SLC22A14: variants seen among roughly 807,000 people sequenced by gnomAD.
SLC22A14 encodes the protein organic cation transporter-like 4.
SLC22A14 carries 50 observed loss-of-function variants against 53.9 expected under a neutral mutation model. The observed-to-expected ratio is 0.93, with a 90% CI of 0.74 to 1.17. SLC22A14 has a LOEUF of 1.17. Among genes scored for constraint, SLC22A14 ranks in the 50% most tolerant of loss-of-function variants. The probability of loss-of-function intolerance (pLI) is 0.00; values close to 1 mark genes in which losing one functional copy is unlikely to be tolerated. For synonymous variants in SLC22A14, 312 were observed against 303.0 expected (o/e 1.03, Z -0.31); for missense variants, 671 against 734.7 (o/e 0.91, Z 1.00).
intron 1 of SLC22A14, chr3:38,305,807 T>C: frequency 1.8e-6 from 1 of 552,178 alleles, no homozygotes. Flanking sequence ...TCTAAAACAT[T>C]AAAAATCTCA....
chr3:38,294,377 G>A (rs1198364867), intron 1 of SLC22A14, among the ~76,000 whole-genome samples: 1 of 152,136 alleles, frequency 6.6e-6, no homozygotes, highest in Non-Finnish European at 1.5e-5. Context: ...CTGTAAGATG[G>A]TGTTATAATT....
intron 1 of SLC22A14, among the ~76,000 whole-genome samples, chr3:38,296,486 C>G (rs1704040592): frequency 6.6e-6 from 1 of 152,216 alleles, no homozygotes; most frequent in South Asian, 2.1e-4. Flanking sequence ...GACAGAATAG[C>G]AAGCAAAAGT....
chr3:38,302,124 C>T (rs1704173794), intron 1 of SLC22A14, among the ~76,000 whole-genome samples: 1 of 150,488 alleles, frequency 6.6e-6, no homozygotes, highest in Non-Finnish European at 1.5e-5. Flanking sequence ...ATCCCAGCTA[C>T]TCAGGAGGCT....
upstream of SLC22A14, among the ~76,000 whole-genome samples, chr3:38,280,443 A>G (rs1356692317): frequency 6.6e-6 from 1 of 152,248 alleles, no homozygotes; most frequent in Non-Finnish European, 1.5e-5. Context: ...AAGGGAAACA[A>G]AAATGACCTC....
At position 38,306,254 on chromosome 3, in the gene SLC22A14, C is replaced by T. The variant is rs1402237031; in HGVS notation, c.228C>T (p.Pro76=). ...GGCTAGTAGCCCTCACCTTTATCCCCAGCATCATGTCGGCCTTCTTCATGT... is the reference window on the plus strand; with the variant it reads ...GGCTAGTAGCCCTCACCTTTATCCCTAGCATCATGTCGGCCTTCTTCATGT... ...QQRLVALTFI[P]SIMSAFFMFA... The change falls in exon 2 of 11, where the codon CCC becomes CCT. Residue 76 remains proline, a synonymous_variant. Coordinates refer to ENST00000448498, the MANE Select transcript of SLC22A14 (RefSeq NM_001320033.2). The T allele has an allele frequency of 1.9e-6, 3 of 1,614,062 alleles. No individual in the cohort carries two copies. The highest frequency in any genetic ancestry group is 2.7e-5 in the African/African-American group (2 of 74,922).
intron 9 of SLC22A14, 94 bp from the exon 10 acceptor site, chr3:38,316,230 A>T: frequency 1.9e-6 from 2 of 1,050,562 alleles, no homozygotes; most frequent in Non-Finnish European, 2.9e-6. Context: ...GACAGGGTGG[A>T]GACTGGAGAG....
intron 9 of SLC22A14, 148 bp from the exon 10 acceptor site, chr3:38,316,176 C>A: frequency 1.4e-6 from 1 of 695,560 alleles, no homozygotes. Flanking sequence ...TGAAGGAGGC[C>A]CAGAAGAAAT....
At chr3:38,316,988 C>T (rs1704640744) in intron 10 of SLC22A14, among the ~76,000 whole-genome samples, 1 of 152,234 alleles carries the variant, frequency 6.6e-6, no homozygotes, top group African/African-American at 2.4e-5. Flanking sequence ...CCCAGCAGCC[C>T]AGGACCCCAT....
At chr3:38,316,243 TG>T in intron 9 of SLC22A14, 80 bp from the exon 10 acceptor site, 1 of 1,221,540 alleles carries the variant, frequency 8.2e-7, no homozygotes, top group Non-Finnish European at 1.2e-6. Flanking sequence ...CTGGAGAGTG[TG>T]GGTTTTCATG....
At position 38,307,496 on chromosome 3, in the gene SLC22A14, C is replaced by A. The variant is rs1340410838; in HGVS notation, c.621-70C>A. 3 of 1,597,020 alleles carry A rather than the reference C, an allele frequency of 1.9e-6. No individual in the cohort carries two copies. Among genetic ancestry groups the A allele is most frequent in the Non-Finnish European group, 2.6e-6 (3 of 1,168,706 alleles). On this transcript the variant is annotated intron_variant, in intron 3 of 10. Coordinates refer to ENST00000448498, the MANE Select transcript of SLC22A14 (RefSeq NM_001320033.2). The surrounding 1 kb of genome is among the most constrained non-coding windows in gnomAD (Gnocchi z 4.4). Reference sequence around the variant, plus strand: ...CCCATGGATGGCTCAGGGCCTGGCCCAGGTGTATCCGGCTGGGGCCAGCCC... The same window carrying A: ...CCCATGGATGGCTCAGGGCCTGGCCAAGGTGTATCCGGCTGGGGCCAGCCC...
intron 1 of SLC22A14, among the ~76,000 whole-genome samples, chr3:38,297,985 T>C (rs1704076617): frequency 6.6e-6 from 1 of 152,202 alleles, no homozygotes; most frequent in Non-Finnish European, 1.5e-5. Flanking sequence ...ATTTTCATCA[T>C]TTTTTCTACA....
At chr3:38,288,949 A>T (rs1046352408) in intron 1 of SLC22A14, among the ~76,000 whole-genome samples, 6 of 152,034 alleles carry the variant, frequency 3.9e-5, no homozygotes, top group Non-Finnish European at 8.8e-5. Context: ...GGAGACCAAG[A>T]TGGGAGGATC....
intron 2 of SLC22A14, among the ~76,000 whole-genome samples, chr3:38,306,898 A>C (rs987880703): frequency 6.6e-6 from 1 of 152,210 alleles, no homozygotes; most frequent in Non-Finnish European, 1.5e-5. Flanking sequence ...CCCGAGCTGC[A>C]ATCTAGGCCC....
upstream of SLC22A14, among the ~76,000 whole-genome samples, chr3:38,280,108 ACCTGC>A (rs1294775182): frequency 6.6e-6 from 1 of 152,160 alleles, no homozygotes; most frequent in Non-Finnish European, 1.5e-5. Context: ...CTCCCCCCGT[ACCTGC>A]CCATGTGATC....
upstream of SLC22A14, among the ~76,000 whole-genome samples, chr3:38,281,922 C>T (rs571070010): frequency 1.3e-5 from 2 of 152,292 alleles, no homozygotes; most frequent in Non-Finnish European, 2.9e-5. Flanking sequence ...ATGGGTCAGA[C>T]CCCGGCAGCT....
At chr3:38,293,882 A>G (rs56378223) in intron 1 of SLC22A14, among the ~76,000 whole-genome samples, 9,779 of 151,636 alleles carry the variant, frequency 0.064, 374 homozygotes, top group East Asian at 0.16. Flanking sequence ...CAGTTATGGC[A>G]TCACTTCTCT....
At chr3:38,310,702 T>G (rs1559552953) in intron 5 of SLC22A14, among the ~76,000 whole-genome samples, 1 of 152,174 alleles carries the variant, frequency 6.6e-6, no homozygotes. Context: ...AGTGCTCTGT[T>G]TGTGACCTCC....
At chr3:38,317,389 G>C (rs540942469) in intron 10 of SLC22A14, among the ~76,000 whole-genome samples, 1 of 152,340 alleles carries the variant, frequency 6.6e-6, no homozygotes, top group East Asian at 1.9e-4. Flanking sequence ...GACAGATGAT[G>C]CAAACAGTTC....
rs140576978 is a variant in SLC22A14, at chr3:38,307,288, A to G, written c.551A>G (p.Asp184Gly). ...GTATGTGGCATGGAGACGAAGAAGG[A>G]CACTGCACAGATCATGTTCATGGCA... is the stretch of plus-strand genomic sequence containing the variant. The part of the protein sequence containing the change: ...DLVCGMETKK[D>G]TAQIMFMAGL... Residue 184 changes from aspartate (D) to glycine (G), a missense_variant, in exon 3 of 11, where the codon GAC becomes GGC. Coordinates refer to ENST00000448498, the MANE Select transcript of SLC22A14 (RefSeq NM_001320033.2). This position sits in a 1 kb window ranked among gnomAD's most constrained non-coding sequence, Gnocchi z 4.4. 3 of 1,614,118 alleles carry G rather than the reference A, an allele frequency of 1.9e-6. No individual in the cohort carries two copies. Among genetic ancestry groups the G allele is most frequent in the Admixed American group, 1.7e-5 (1 of 60,028 alleles).
Sources: gnomAD v4.1 joint callset for allele counts (sites outside exome capture counted in the v4.1 genomes callset) on GRCh38, gnomAD v4.1.1 for gene constraint, Gnocchi (gnomAD v3.1) non-coding constraint, MANE v1.5 for transcripts, NCBI Gene and HGNC (gene_info 2026-07-23, HGNC 2026-07-21) for gene names.